The following WDR33 variants were observed in gnomAD, a reference collection of about 807,000 sequenced individuals.
WDR33 encodes pre-mRNA 3' end processing protein WDR33.
Under a neutral mutation model 164.9 loss-of-function variants are expected in WDR33, and 47 were observed. That is an observed-to-expected ratio of 0.29 (90% CI 0.23 to 0.36). The LOEUF (loss-of-function observed/expected upper bound fraction) is 0.36, where lower values mean the gene tolerates loss of function less well. WDR33 is among the 10% of genes least tolerant of loss of function. WDR33 has a pLI of 1.00. For synonymous variants in WDR33, 505 were observed against 589.0 expected, an observed-to-expected ratio of 0.86 and a Z score of 2.06; for missense variants, 1,137 against 1,754.1, an observed-to-expected ratio of 0.65 and a Z score of 6.28.
rs1686457171 is a variant in WDR33 at position 127,722,163 on chromosome 2, T to A, written c.1519-175A>T. The stretch of plus-strand genomic sequence containing the variant: ...ACTCATGCTAATTCTTACTGACATA[T>A]TACTAGGTAGAAATTACTATGGTGA... On this transcript the variant is annotated intron_variant, in intron 14 of 21. Transcript: ENST00000322313. This position sits in a 1 kb window ranked among gnomAD's most constrained non-coding sequence, Gnocchi z 5.1. Among the ~76,000 whole-genome samples the A allele has an allele frequency of 1.3e-5, 2 of 152,182 alleles. No homozygotes were observed. Among genetic ancestry groups the A allele is most frequent in the Admixed American group, 1.3e-4 (2 of 15,280 alleles).
At position 127,708,508 on chromosome 2, in the gene WDR33, C is replaced by G. The variant is rs970424737; in HGVS notation, c.3781+169G>C. ...TCCCGGAGGCAAGTGGAGTCCTGTG[C>G]AGGGCTGAGTTGCAGTCCACCAGAT... On this transcript the variant is annotated intron_variant, in intron 21 of 21. Coordinates refer to ENST00000322313, the MANE Select transcript of WDR33 (RefSeq NM_018383.5). This position sits in a 1 kb window ranked among gnomAD's most constrained non-coding sequence, Gnocchi z 6.7. Among the ~76,000 whole-genome samples the G allele has an allele frequency of 6.6e-6, 1 of 152,252 alleles. No homozygotes were observed. Among genetic ancestry groups the G allele is most frequent in the African/African-American group, 2.4e-5 (1 of 41,472 alleles).
At chr2:127,732,116 C>T (rs1246407216) in intron 7 of WDR33, among the ~76,000 whole-genome samples, 4 of 83,644 alleles carry the variant, frequency 4.8e-5, no homozygotes, top group Non-Finnish European at 2.4e-5. Context: ...ACAACACACA[C>T]ACACACACAC....
chr2:127,772,671 C>T (rs969547829), intron 1 of WDR33, among the ~76,000 whole-genome samples: 1 of 152,056 alleles, frequency 6.6e-6, no homozygotes, highest in Admixed American at 6.6e-5. Context: ...ACTTATTTCT[C>T]AGTATGTGTT....
Position 127,722,709 on chromosome 2 carries a change from A to G in WDR33, c.1400T>C (p.Ile467Thr). 1 of 1,613,998 alleles carries G rather than the reference A, an allele frequency of 6.2e-7. No individual in the cohort carries two copies. The highest frequency in any genetic ancestry group is 1.1e-5 in the South Asian group (1 of 91,018). The change falls in exon 14 of 22, where the codon ATT (isoleucine) becomes ACT (threonine). Residue 467 changes from isoleucine to threonine, a missense_variant. Around this residue, in one of 9 missense-constraint regions of WDR33, gnomAD observed 75 missense variants for 124.7 expected, o/e 0.60. Transcript: ENST00000322313. The surrounding 1 kb of genome is among the most constrained non-coding windows in gnomAD (Gnocchi z 5.1). ...EQMGKDESNE[I>T]EMTIPGLDWG... ...ATCTAAACCTGGAATTGTCATTTCA[A>G]TTTCATTTGATTCATCTTTCCCTGT...
chr2:127,751,056 A>G (rs990177726), intron 7 of WDR33, among the ~76,000 whole-genome samples: 2 of 151,748 alleles, frequency 1.3e-5, no homozygotes, highest in African/African-American at 4.8e-5. Flanking sequence ...AAAACTAAAA[A>G]TGTTCTAAAA....
chr2:127,716,526 C>A lies in WDR33; in HGVS notation c.2869+629G>T, dbSNP rs1222242814. Reference sequence around the variant, plus strand: ...TGCTCACCACGCTCCTGCTCCAACTCTGCAAGACAGGGGGGTCCCACCCAT... The same window carrying A: ...TGCTCACCACGCTCCTGCTCCAACTATGCAAGACAGGGGGGTCCCACCCAT... On this transcript the variant is annotated intron_variant, in intron 17 of 21. Coordinates refer to ENST00000322313, the MANE Select transcript of WDR33 (RefSeq NM_018383.5). This position sits in a 1 kb window ranked among gnomAD's most constrained non-coding sequence, Gnocchi z 4.5. Among the ~76,000 whole-genome samples the A allele has an allele frequency of 2.6e-5, 4 of 152,216 alleles. No individual in the cohort carries two copies. Among genetic ancestry groups the A allele is most frequent in the African/African-American group, 9.6e-5 (4 of 41,466 alleles).
At chr2:127,796,987 C>T (rs1689063500) in intron 1 of WDR33, among the ~76,000 whole-genome samples, 1 of 152,042 alleles carries the variant, frequency 6.6e-6, no homozygotes, top group Non-Finnish European at 1.5e-5. Flanking sequence ...CTAAAATTGA[C>T]CTGTAGCCCC....
At chr2:127,778,737 G>C (rs984154045) in intron 1 of WDR33, among the ~76,000 whole-genome samples, 2 of 152,120 alleles carry the variant, frequency 1.3e-5, no homozygotes, top group African/African-American at 2.4e-5. Flanking sequence ...GGGGGTGTCA[G>C]GGGAGAGACA....
At chr2:127,777,478 C>T (rs965290239) in intron 1 of WDR33, among the ~76,000 whole-genome samples, 1 of 152,220 alleles carries the variant, frequency 6.6e-6, no homozygotes, top group Non-Finnish European at 1.5e-5. Flanking sequence ...CCATTATTTT[C>T]TCAACCTGTA....
intron 7 of WDR33, among the ~76,000 whole-genome samples, chr2:127,739,090 T>C (rs1686942547): frequency 6.6e-6 from 1 of 152,160 alleles, no homozygotes; most frequent in African/African-American, 2.4e-5. Flanking sequence ...CAGTTCAAAT[T>C]AAATTAAACA....
chr2:127,794,849 A>G (rs13383106), intron 1 of WDR33, among the ~76,000 whole-genome samples: 4,725 of 142,676 alleles, frequency 0.033, 284 homozygotes, highest in African/African-American at 0.11. Flanking sequence ...AAAAAAAAAA[A>G]AAAGAAAGAA....
At position 127,712,232 on chromosome 2, in the gene WDR33, A is replaced by C. The variant is rs986565021; in HGVS notation, c.3308+1351T>G. ...GCCAACATGGTGAAACCTCATCTCT[A>C]CTAAAAATACAAAAATTAGCCAGGC... On this transcript the variant is annotated intron_variant, in intron 18 of 21. Coordinates refer to ENST00000322313, the MANE Select transcript of WDR33 (RefSeq NM_018383.5). The surrounding 1 kb of genome is among the most constrained non-coding windows in gnomAD (Gnocchi z 4.0). Among the ~76,000 whole-genome samples, 1 of 151,990 alleles carries C rather than the reference A, an allele frequency of 6.6e-6. No individual in the cohort carries two copies. The highest frequency in any genetic ancestry group is 2.4e-5 in the African/African-American group (1 of 41,420).
chr2:127,721,940 T>A lies in WDR33; in HGVS notation c.1567A>T (p.Asn523Tyr), dbSNP rs777258342. 3 of 1,613,722 alleles carry A rather than the reference T, an allele frequency of 1.9e-6. No individual in the cohort carries two copies. The highest frequency in any genetic ancestry group is 2.5e-6 in the Non-Finnish European group (3 of 1,179,950). The change falls in exon 15 of 22, where the codon AAT becomes TAT. Residue 523 changes from asparagine to tyrosine, a missense_variant. Around this residue, in one of 9 missense-constraint regions of WDR33, gnomAD observed 75 missense variants for 124.7 expected, o/e 0.60. Coordinates refer to ENST00000322313, the MANE Select transcript of WDR33 (RefSeq NM_018383.5). This position sits in a 1 kb window ranked among gnomAD's most constrained non-coding sequence, Gnocchi z 4.9. ...VPIPAPNEVL[N>Y]DRKEDIKLEE... is the part of the protein sequence containing the mutation. ...AATTTAATGTCTTCTTTTCTGTCAT[T>A]CAGCACCTCATTTGGAGCAGGAATT...
At chr2:127,767,039 G>C (rs77853283) in intron 4 of WDR33, among the ~76,000 whole-genome samples, 11,551 of 152,222 alleles carry the variant, frequency 0.076, 457 homozygotes, top group Non-Finnish European at 0.092. Context: ...GATTACAGGT[G>C]TGAGTGATGT....
chr2:127,765,869 C>CA (rs1044752300), intron 4 of WDR33, among the ~76,000 whole-genome samples: 15 of 151,094 alleles, frequency 9.9e-5, no homozygotes, highest in Non-Finnish European at 1.9e-4. Context: ...GATCTACTCT[C>CA]AAAAAAAACC....
At position 127,702,640 on chromosome 2, in the gene WDR33, G is replaced by A. The variant is rs1685923618; in HGVS notation, c.*3683C>T. ...TAAGACTTGGAAATTATTCTCTCCA[G>A]TGTCAGCGAATCCAGAAGGGTATCA... On this transcript the variant is annotated 3_prime_UTR_variant, in exon 22 of 22. Transcript: ENST00000322313. The A allele has an allele frequency of 6.0e-6, 1 of 167,144 alleles. No individual in the cohort carries two copies. Among genetic ancestry groups the A allele is most frequent in the Non-Finnish European group, 1.5e-5 (1 of 68,188 alleles). The allele number at this position is 167,144 out of a possible 1,614,324, so 10.4% of individuals were successfully genotyped here. A position where few individuals can be genotyped will look rare whatever the true frequency, so the allele number is the denominator to read the frequency against.
At chr2:127,790,520 T>C (rs1247875574) in intron 1 of WDR33, among the ~76,000 whole-genome samples, 2 of 152,218 alleles carry the variant, frequency 1.3e-5, no homozygotes, top group Non-Finnish European at 2.9e-5. Context: ...TCTTAAATAT[T>C]TGGTAGAAGT....
Position 127,725,149 on chromosome 2 carries a change from T to A in WDR33, c.918A>T (p.Ala306=). ...AAAGTTTACAGAGATGATCACGTGA[T>A]GCTGTGAGTAGCCAATTGCCATTGA... ...LNLNGNWLLT[A]SRDHLCKLFD... Residue 306 remains alanine (A), a synonymous_variant, in exon 9 of 22, where the codon GCA becomes GCT. Coordinates refer to ENST00000322313, the MANE Select transcript of WDR33 (RefSeq NM_018383.5). The A allele has an allele frequency of 6.2e-7, 1 of 1,614,038 alleles. No individual in the cohort carries two copies. The highest frequency in any genetic ancestry group is 1.7e-5 in the Admixed American group (1 of 59,992).
chr2:127,710,685 G>A lies in WDR33; in HGVS notation c.3309-829C>T, dbSNP rs1352862895. 3.9e-5 allele frequency among the ~76,000 whole-genome samples: 6 copies of A among 152,176 alleles called. No homozygotes were observed. The highest frequency in any genetic ancestry group is 1.4e-4 in the African/African-American group (6 of 41,438). ...GGAGGTCTGTGCGAAAGAAGAGAAA[G>A]TGACCTTCTGGCAGCGCTCACTGAG... On this transcript the variant is annotated intron_variant, in intron 18 of 21. Coordinates refer to ENST00000322313, the MANE Select transcript of WDR33 (RefSeq NM_018383.5). This position sits in a 1 kb window ranked among gnomAD's most constrained non-coding sequence, Gnocchi z 4.4.
Sources: gnomAD v4.1 joint callset for allele counts (sites outside exome capture counted in the v4.1 genomes callset) on GRCh38, gnomAD v4.1.1 for gene constraint, gnomAD v4.1.1 regional missense constraint, Gnocchi (gnomAD v3.1) non-coding constraint, MANE v1.5 for transcripts, NCBI Gene and HGNC (gene_info 2026-07-23, HGNC 2026-07-21) for gene names.